VAMP7: variants seen among roughly 807,000 people sequenced by gnomAD.
VAMP7 encodes the protein vesicle associated membrane protein 7, also known as vesicle-associated membrane protein 7.
VAMP7 carries 14 observed loss-of-function variants against 29.6 expected under a neutral mutation model. The observed-to-expected ratio is 0.47, with a 90% CI of 0.31 to 0.74. The LOEUF is 0.74. VAMP7 is among the 30% of genes least tolerant of loss of function. VAMP7 has a pLI of 0.05. For missense variants in VAMP7, 223 were observed against 262.4 expected, an observed-to-expected ratio of 0.85 and a Z score of 1.04; for synonymous variants, 95 against 88.1, an observed-to-expected ratio of 1.08 and a Z score of -0.44.
intron 1 of VAMP7, among the ~76,000 whole-genome samples, chrX:155,883,818 C>G (rs1370772807): frequency 6.6e-6 from 1 of 150,396 alleles, no homozygotes; most frequent in Non-Finnish European, 1.5e-5. Flanking sequence ...TCAAGCAATT[C>G]TCCTGCCTCA....
At chrX:155,908,876 C>G (rs1342646055) in intron 5 of VAMP7, among the ~76,000 whole-genome samples, 1 of 151,936 alleles carries the variant, frequency 6.6e-6, no homozygotes. Context: ...CTCTTTCATT[C>G]CCTTGGTGGG....
intron 2 of VAMP7, among the ~76,000 whole-genome samples, chrX:155,894,298 T>TTTG: frequency 6.7e-6 from 1 of 148,250 alleles, no homozygotes; most frequent in East Asian, 2.0e-4. Context: ...CAATGTGTCC[T>TTTG]TTGTTTTTTT....
rs868801472 is a variant in VAMP7 at position 155,937,085 on chromosome X, G to A, written c.502-2616G>A. ...CACAATCCCTATTGAAATTCCAATG[G>A]CATTTTTCACAGAATAGAAAAAAAA... On this transcript the variant is annotated intron_variant, in intron 6 of 7. Coordinates refer to ENST00000286448, the MANE Select transcript of VAMP7 (RefSeq NM_005638.6). Among the ~76,000 whole-genome samples, 22 of 152,018 alleles carry A rather than the reference G, an allele frequency of 1.4e-4. No individual in the cohort carries two copies. In the South Asian group the frequency reaches 4.6e-3, roughly 32 times the overall value.
At chrX:155,908,129 G>C (rs1448737057) in intron 5 of VAMP7, among the ~76,000 whole-genome samples, 2 of 152,220 alleles carry the variant, frequency 1.3e-5, no homozygotes, top group African/African-American at 4.8e-5. Flanking sequence ...TGCCCAGGCA[G>C]AGACGCTCCT....
rs747707644 is a variant in VAMP7, at chrX:155,889,494, A to G, written c.28A>G (p.Arg10Gly). 1.2e-6 allele frequency: 2 copies of G among 1,613,786 alleles called. No homozygotes were observed. The highest frequency in any genetic ancestry group is 1.7e-6 in the Non-Finnish European group (2 of 1,179,780). MAILFAVVA[R>G]GTTILAKHAW... ...GGCGATTCTTTTTGCTGTTGTTGCC[A>G]GGGGGACCACTATCCTTGCCAAACA... is the stretch of plus-strand genomic sequence containing the variant. Residue 10 changes from arginine to glycine, a missense_variant, in exon 2 of 8, where the codon AGG (arginine) becomes GGG (glycine). Transcript: ENST00000286448.
At chrX:155,898,324 G>A (rs762826381) in intron 4 of VAMP7, 75 bp downstream of exon 4, 1 of 1,526,500 alleles carries the variant, frequency 6.6e-7, no homozygotes, top group Non-Finnish European at 8.8e-7. Flanking sequence ...AATCTAGGGG[G>A]CCCTGACCTG....
chrX:155,901,875 G>T (rs2066067535), intron 5 of VAMP7, among the ~76,000 whole-genome samples: 1 of 152,206 alleles, frequency 6.6e-6, no homozygotes, highest in Admixed American at 6.5e-5. Context: ...GGTTCCATAT[G>T]AACTTTAAAG....
intron 6 of VAMP7, among the ~76,000 whole-genome samples, chrX:155,926,495 T>C (rs1254892291): frequency 1.3e-5 from 2 of 152,226 alleles, no homozygotes; most frequent in African/African-American, 4.8e-5. Context: ...TCAGCCTTCA[T>C]AGAGTTGAAG....
intron 6 of VAMP7, among the ~76,000 whole-genome samples, chrX:155,929,654 G>A (rs925366542): frequency 1.3e-5 from 2 of 152,096 alleles, no homozygotes; most frequent in African/African-American, 4.8e-5. Flanking sequence ...CACTGGGGAG[G>A]CTTATTCCCA....
chrX:155,935,534 A>G (rs1356918772), intron 6 of VAMP7, among the ~76,000 whole-genome samples: 2 of 152,028 alleles, frequency 1.3e-5, no homozygotes, highest in Non-Finnish European at 2.9e-5. Flanking sequence ...TTCTCGTGCC[A>G]TGGTTTTCAG....
chrX:155,881,862 G>GC (rs1279502781), intron 1 of VAMP7, among the ~76,000 whole-genome samples: 5 of 152,042 alleles, frequency 3.3e-5, no homozygotes, highest in African/African-American at 9.7e-5. Flanking sequence ...TGGGTTCCTA[G>GC]CCCCTTATTC....
intron 1 of VAMP7, among the ~76,000 whole-genome samples, chrX:155,882,158 A>G (rs140361143): frequency 0.027 from 4,138 of 152,228 alleles, 300 homozygotes; most frequent in East Asian, 0.061. Flanking sequence ...TGTTTAGGAT[A>G]TTAATTCCCT....
intron 1 of VAMP7, among the ~76,000 whole-genome samples, chrX:155,887,956 A>T (rs1193641034): frequency 1.3e-5 from 2 of 151,762 alleles, no homozygotes; most frequent in Non-Finnish European, 2.9e-5. Context: ...AAAAAAAAGA[A>T]AAGAAACAGA....
chrX:155,889,133 T>C (rs2065897985), intron 1 of VAMP7, among the ~76,000 whole-genome samples: 1 of 152,194 alleles, frequency 6.6e-6, no homozygotes, highest in Non-Finnish European at 1.5e-5. Flanking sequence ...GTCCCTTTGC[T>C]ATCTATAGTC....
chrX:155,898,053 T>C, intron 3 of VAMP7, 59 bp from the exon 4 acceptor site: 1 of 1,578,216 alleles, frequency 6.3e-7, no homozygotes, highest in Non-Finnish European at 8.6e-7. Flanking sequence ...TTGTTCTTAA[T>C]CACTCACATC....
intron 3 of VAMP7, 32 bp from the exon 4 acceptor site, chrX:155,898,080 T>C (rs779087951): frequency 6.2e-7 from 1 of 1,603,300 alleles, no homozygotes; most frequent in South Asian, 1.1e-5. Flanking sequence ...GTTTACTTTC[T>C]AAATGTGAGT....
chrX:155,904,717 G>A (rs1275122419), intron 5 of VAMP7, among the ~76,000 whole-genome samples: 4 of 151,828 alleles, frequency 2.6e-5, no homozygotes, highest in South Asian at 2.1e-4. Context: ...TTCACTTAGC[G>A]TAATGATTGT....
intron 5 of VAMP7, among the ~76,000 whole-genome samples, chrX:155,902,183 G>A (rs1478344039): frequency 6.6e-6 from 1 of 151,930 alleles, no homozygotes; most frequent in Non-Finnish European, 1.5e-5. Flanking sequence ...CGTTATTGGT[G>A]TATAAGAATG....
intron 6 of VAMP7, among the ~76,000 whole-genome samples, chrX:155,928,057 G>A (rs528110876): frequency 6.6e-6 from 1 of 151,772 alleles, no homozygotes; most frequent in African/African-American, 2.4e-5. Context: ...CCAAGTAGGA[G>A]GACCACAGGC....
Sources: allele counts gnomAD v4.1 joint callset (sites outside exome capture counted in the v4.1 genomes callset), GRCh38; gene constraint gnomAD v4.1.1; transcripts MANE v1.5; gene names NCBI Gene and HGNC (gene_info 2026-07-23, HGNC 2026-07-21).